Variants in HS6ST2 observed in about 807,000 individuals in gnomAD.
HS6ST2 encodes heparan-sulfate 6-O-sulfotransferase 2.
Under a neutral mutation model 33.0 loss-of-function variants are expected in HS6ST2, and 17 were observed. The ratio of observed to expected loss-of-function variants is 0.52; its 90% confidence interval spans 0.35 to 0.77. The LOEUF is 0.77. Ranked by LOEUF, HS6ST2 falls within the 30% of genes least tolerant of loss-of-function variation. The probability of loss-of-function intolerance (pLI) is 0.01; values close to 1 mark genes in which losing one functional copy is unlikely to be tolerated. For synonymous variants in HS6ST2, 248 were observed against 237.1 expected, an observed-to-expected ratio of 1.05 and a Z score of -0.42; for missense variants, 519 against 551.7, an observed-to-expected ratio of 0.94 and a Z score of 0.59.
intron 4 of HS6ST2, among the ~76,000 whole-genome samples, chrX:132,634,137 C>T (rs188362484): frequency 8.9e-6 from 1 of 112,456 alleles, no homozygotes; most frequent in Admixed American, 9.4e-5. Context: ...AAGACATCTA[C>T]ATTCTGATTA....
In HS6ST2 at chrX:132,886,177, G is replaced by A. The variant is rs750615623; in HGVS notation, c.947+70631C>T. ...TCACCACAGAACTAAAGGAACCCAC[G>A]TTTAAAGAGTTGAAGTATGACAACA... On this transcript the variant is annotated intron_variant, in intron 2 of 4. Transcript: ENST00000370833. 5.4e-5 allele frequency among the ~76,000 whole-genome samples: 6 copies of A among 111,715 alleles called. No individual in the cohort carries two copies. In the South Asian group the frequency reaches 1.1e-3, roughly 21 times the overall value.
At chrX:132,697,298 T>G (rs2064111051) in intron 3 of HS6ST2, among the ~76,000 whole-genome samples, 1 of 111,791 alleles carries the variant, frequency 8.9e-6, no homozygotes. Context: ...TAGTGTCTTA[T>G]GCAAACAGTC....
At chrX:132,733,763 G>A (rs780740993) in intron 2 of HS6ST2, among the ~76,000 whole-genome samples, 3 of 110,303 alleles carry the variant, frequency 2.7e-5, no homozygotes, top group Non-Finnish European at 5.7e-5. Context: ...GTGATCTCAT[G>A]TAGAGTCCAT....
intron 2 of HS6ST2, among the ~76,000 whole-genome samples, chrX:132,733,881 T>G (rs983453654): frequency 9.2e-6 from 1 of 108,683 alleles, no homozygotes; most frequent in African/African-American, 3.4e-5. Flanking sequence ...ATTAAGCTAC[T>G]TACCCACGAT....
intron 2 of HS6ST2, among the ~76,000 whole-genome samples, chrX:132,765,032 G>A (rs939383739): frequency 2.7e-5 from 3 of 112,128 alleles, no homozygotes; most frequent in African/African-American, 9.7e-5. Flanking sequence ...GGTGAATATA[G>A]CAAGTGTGGT....
In HS6ST2 at chrX:132,626,843, T is replaced by C. The variant is rs943663608; in HGVS notation, c.*1380A>G. ...CTTGGTCAGCTTGTAATAGGTACCA[T>C]AGAAGTATTTTTGCATCGACTTACA... is the stretch of plus-strand genomic sequence containing the variant. On this transcript the variant is annotated 3_prime_UTR_variant, in exon 5 of 5. Coordinates refer to ENST00000370833, the MANE Select transcript of HS6ST2 (RefSeq NM_001394073.1). 7 of 111,939 alleles carry C rather than the reference T, an allele frequency of 6.3e-5. No homozygotes were observed. Among genetic ancestry groups the C allele is most frequent in the African/African-American group, 1.9e-4 (6 of 30,783 alleles). 9.2% of individuals were successfully genotyped at this position (111,939 alleles called of 1,213,427 possible). A position where few individuals can be genotyped will look rare whatever the true frequency, so the allele number is the denominator to read the frequency against.
At chrX:132,811,720 A>ATATATC (rs1314745551) in intron 2 of HS6ST2, among the ~76,000 whole-genome samples, 2 of 91,949 alleles carry the variant, frequency 2.2e-5, no homozygotes, top group East Asian at 7.0e-4. Flanking sequence ...ATATATATAT[A>ATATATC]TATATCACAT....
intron 2 of HS6ST2, among the ~76,000 whole-genome samples, chrX:132,944,090 G>A (rs1276660261): frequency 9.0e-6 from 1 of 111,620 alleles, no homozygotes; most frequent in Non-Finnish European, 1.9e-5. Context: ...CAGATGACAT[G>A]ACTATATATC....
chrX:132,946,663 T>C (rs1301663085), intron 2 of HS6ST2, among the ~76,000 whole-genome samples: 1 of 111,557 alleles, frequency 9.0e-6, no homozygotes, highest in Admixed American at 9.5e-5. Flanking sequence ...ATGTACCTAA[T>C]GTAAATGATG....
chrX:132,857,639 T>A (rs1213243022), intron 2 of HS6ST2, among the ~76,000 whole-genome samples: 1 of 112,188 alleles, frequency 8.9e-6, no homozygotes, highest in Non-Finnish European at 1.9e-5. Context: ...TGGAAACATC[T>A]GTGAAACCTT....
At chrX:132,669,331 T>G (rs2063840530) in intron 3 of HS6ST2, 132 bp from the exon 4 acceptor site, 4 of 399,556 alleles carry the variant, frequency 1.0e-5, no homozygotes, top group African/African-American at 3.0e-5. Flanking sequence ...CCAATCTCTC[T>G]CTCTCTCTCT....
At chrX:132,940,443 T>C (rs2066874280) in intron 2 of HS6ST2, among the ~76,000 whole-genome samples, 2 of 111,903 alleles carry the variant, frequency 1.8e-5, no homozygotes. Flanking sequence ...TTCACCAAAA[T>C]TTAAAACTTT....
chrX:132,851,910 G>A (rs185044899), intron 2 of HS6ST2, among the ~76,000 whole-genome samples: 1 of 111,845 alleles, frequency 8.9e-6, no homozygotes, highest in African/African-American at 3.2e-5. Context: ...GGAGGCTAAG[G>A]AGAAAGAATA....
chrX:132,784,409 A>G (rs999890224), intron 2 of HS6ST2, among the ~76,000 whole-genome samples: 1 of 111,369 alleles, frequency 9.0e-6, no homozygotes, highest in African/African-American at 3.3e-5. Flanking sequence ...TCCCAGGTTC[A>G]AGTGATTCTC....
At chrX:132,660,700 C>T (rs2063765117) in intron 4 of HS6ST2, among the ~76,000 whole-genome samples, 1 of 111,566 alleles carries the variant, frequency 9.0e-6, no homozygotes. Context: ...AGGACGCTTC[C>T]ATTGTTCAAC....
chrX:132,869,438 C>T (rs1001291540), intron 2 of HS6ST2, among the ~76,000 whole-genome samples: 4 of 111,864 alleles, frequency 3.6e-5, no homozygotes, highest in East Asian at 2.8e-4. Flanking sequence ...CAACCTGATA[C>T]CAAAACCTGG....
intron 2 of HS6ST2, among the ~76,000 whole-genome samples, chrX:132,824,527 C>A (rs2065497529): frequency 8.9e-6 from 1 of 112,314 alleles, no homozygotes; most frequent in Non-Finnish European, 1.9e-5. Context: ...ACCTTTGAGG[C>A]CAGACTTAGA....
At chrX:132,936,301 T>C (rs2066821891) in intron 2 of HS6ST2, among the ~76,000 whole-genome samples, 1 of 111,387 alleles carries the variant, frequency 9.0e-6, no homozygotes, top group Non-Finnish European at 1.9e-5. Flanking sequence ...AAAAACTCAA[T>C]TGAACTATAA....
intron 2 of HS6ST2, among the ~76,000 whole-genome samples, chrX:132,758,095 T>C (rs981011587): frequency 8.9e-6 from 1 of 112,466 alleles, no homozygotes; most frequent in Non-Finnish European, 1.9e-5. Context: ...TCAAAAATAC[T>C]TGTCAAATTT....
Sources: gnomAD v4.1 joint callset for allele counts (sites outside exome capture counted in the v4.1 genomes callset) on GRCh38, gnomAD v4.1.1 for gene constraint, MANE v1.5 for transcripts, NCBI Gene and HGNC (gene_info 2026-07-23, HGNC 2026-07-21) for gene names.